Variants in AJAP1 observed in about 807,000 individuals in gnomAD.
The protein encoded by AJAP1 is adherens junctions associated protein 1, also known as adherens junction-associated protein 1.
In AJAP1, 5 loss-of-function variants were observed where a neutral mutation model predicts 35.0. That is an observed-to-expected ratio of 0.14 (90% CI 0.07 to 0.30). The LOEUF is 0.30. Ranked by LOEUF, AJAP1 falls within the 10% of genes least tolerant of loss-of-function variation. The pLI is 1.00. For missense variants in AJAP1, 586 were observed against 571.0 expected (o/e 1.03, Z -0.27); for synonymous variants, 284 against 249.3 (o/e 1.14, Z -1.31).
intron 2 of AJAP1, among the ~76,000 whole-genome samples, chr1:4,736,046 C>T (rs1049045580): frequency 3.3e-5 from 5 of 152,238 alleles, no homozygotes; most frequent in African/African-American, 9.6e-5. Flanking sequence ...TTACTTTCCT[C>T]ATTTGGAAAA....
intron 1 of AJAP1, among the ~76,000 whole-genome samples, chr1:4,676,185 G>T (rs992585811): frequency 6.6e-6 from 1 of 152,092 alleles, no homozygotes; most frequent in Non-Finnish European, 1.5e-5. Flanking sequence ...TTGCCTCCTC[G>T]TGTCATTTTT....
At chr1:4,700,359 C>G (rs1053950514) in intron 1 of AJAP1, among the ~76,000 whole-genome samples, 1 of 152,132 alleles carries the variant, frequency 6.6e-6, no homozygotes, top group Non-Finnish European at 1.5e-5. Flanking sequence ...TGCTGGGCCT[C>G]GCCCCCACAG....
At chr1:4,737,456 G>A (rs1418549410) in intron 2 of AJAP1, among the ~76,000 whole-genome samples, 1 of 151,806 alleles carries the variant, frequency 6.6e-6, no homozygotes, top group Admixed American at 6.6e-5. Flanking sequence ...GCAACAGGAC[G>A]CAGTGCAAGT....
chr1:4,780,134 A>C (rs1383581957), intron 5 of AJAP1, among the ~76,000 whole-genome samples: 3 of 10,478 alleles, frequency 2.9e-4, no homozygotes, highest in Non-Finnish European at 5.7e-4. Flanking sequence ...ACAGTCTCAA[A>C]AAAAAAAAAA....
intron 2 of AJAP1, among the ~76,000 whole-genome samples, chr1:4,721,275 C>A (rs1045640889): frequency 1.3e-5 from 2 of 152,176 alleles, no homozygotes; most frequent in African/African-American, 4.8e-5. Context: ...TAGGGGTGCT[C>A]TTTGGGGCTT....
At chr1:4,722,187 A>T (rs1640533296) in intron 2 of AJAP1, among the ~76,000 whole-genome samples, 1 of 152,128 alleles carries the variant, frequency 6.6e-6, no homozygotes, top group Admixed American at 6.5e-5. Context: ...ATGCGGGGGA[A>T]CTTCAGCGTG....
intron 5 of AJAP1, among the ~76,000 whole-genome samples, chr1:4,774,863 G>A (rs1171070834): frequency 6.6e-6 from 1 of 152,026 alleles, no homozygotes; most frequent in East Asian, 1.9e-4. Context: ...CCACATGCGT[G>A]GCCTACGTGG....
At chr1:4,758,964 G>T (rs1221366793) in intron 2 of AJAP1, among the ~76,000 whole-genome samples, 1 of 152,226 alleles carries the variant, frequency 6.6e-6, no homozygotes, top group Non-Finnish European at 1.5e-5. Flanking sequence ...GCAAACTCCA[G>T]AGTACTTCTG....
chr1:4,746,825 A>T (rs1259625117), intron 2 of AJAP1, among the ~76,000 whole-genome samples: 2 of 152,132 alleles, frequency 1.3e-5, no homozygotes, highest in African/African-American at 4.8e-5. Context: ...CAGCCTGGGA[A>T]ATTGCCTCCC....
intron 1 of AJAP1, among the ~76,000 whole-genome samples, chr1:4,694,255 A>C (rs1042968178): frequency 6.6e-6 from 1 of 152,178 alleles, no homozygotes. Context: ...TGTCGTCATA[A>C]TCCCAGCCCC....
intron 2 of AJAP1, among the ~76,000 whole-genome samples, chr1:4,767,288 A>G (rs1380997764): frequency 6.6e-6 from 1 of 151,468 alleles, no homozygotes; most frequent in Non-Finnish European, 1.5e-5. Flanking sequence ...CACCATCATT[A>G]TGATCATCAT....
rs267598631 is a variant in AJAP1, at chr1:4,772,303, G to T, written c.941G>T (p.Arg314Leu). The change falls in exon 4 of 6, where the codon CGT (arginine) becomes CTT (leucine). Residue 314 changes from arginine (R) to leucine (L), a missense_variant. Physicochemically the swap from Arg to Leu is moderately radical, Grantham distance 102. Transcript: ENST00000378191. ...AGCTGTGCCCAAAGCGGGAACACTC[G>T]TCGGAACAGCCACCAGCGGAAGACC... ...KNCCAQSGNTRRNSHQRKTNQ... is the reference protein window; with the variant it reads ...KNCCAQSGNTLRNSHQRKTNQ... 6.2e-7 allele frequency: 1 copy of T among 1,614,028 alleles called. No individual in the cohort carries two copies. The highest frequency in any genetic ancestry group is 8.5e-7 in the Non-Finnish European group (1 of 1,179,982).
chr1:4,782,844 C>T lies in AJAP1; in HGVS notation c.*359C>T. Reference sequence around the variant, plus strand: ...AGGGACGGGAGGAAGCATCCGAAACCTAGGATTCGTCCTACGATTCTGAAC... The same window carrying T: ...AGGGACGGGAGGAAGCATCCGAAACTTAGGATTCGTCCTACGATTCTGAAC... On this transcript the variant is annotated 3_prime_UTR_variant, in exon 6 of 6. Coordinates refer to ENST00000378191, the MANE Select transcript of AJAP1 (RefSeq NM_018836.4). This position sits in a 1 kb window ranked among gnomAD's most constrained non-coding sequence, Gnocchi z 5.3. 1 of 398,632 alleles carries T rather than the reference C, an allele frequency of 2.5e-6. No individual in the cohort carries two copies. Among genetic ancestry groups the T allele is most frequent in the Non-Finnish European group, 4.4e-6 (1 of 226,066 alleles). 24.7% of individuals were successfully genotyped at this position (398,632 alleles called of 1,614,324 possible).
In AJAP1 at chr1:4,720,651, A is replaced by G. The variant is rs1403563103; in HGVS notation, c.829+7952A>G. 6.6e-6 allele frequency among the ~76,000 whole-genome samples: 1 copy of G among 152,206 alleles called. No individual in the cohort carries two copies. The highest frequency in any genetic ancestry group is 1.5e-5 in the Non-Finnish European group (1 of 68,040). ...ATGTGGGAAACTGAGCGCCATAGTGAGCATGCAGCCCCTAGAGTTGAGTCA... is the reference window on the plus strand; with the variant it reads ...ATGTGGGAAACTGAGCGCCATAGTGGGCATGCAGCCCCTAGAGTTGAGTCA... On this transcript the variant is annotated intron_variant, in intron 2 of 5. Coordinates refer to ENST00000378191, the MANE Select transcript of AJAP1 (RefSeq NM_018836.4). This position sits in a 1 kb window ranked among gnomAD's most constrained non-coding sequence, Gnocchi z 4.4.
intron 3 of AJAP1, among the ~76,000 whole-genome samples, chr1:4,770,955 G>A (rs1168153327): frequency 4.6e-5 from 7 of 152,216 alleles, no homozygotes; most frequent in African/African-American, 1.7e-4. Flanking sequence ...GGAGCTCACA[G>A]TGGGGCTTCT....
chr1:4,781,519 G>T (rs971491542), intron 5 of AJAP1, among the ~76,000 whole-genome samples: 2 of 152,374 alleles, frequency 1.3e-5, no homozygotes, highest in South Asian at 2.1e-4. Flanking sequence ...CTCCCACTGG[G>T]TGTTTTTCCG....
chr1:4,668,557 C>G (rs1266736952), intron 1 of AJAP1, among the ~76,000 whole-genome samples: 2 of 152,206 alleles, frequency 1.3e-5, no homozygotes, highest in Non-Finnish European at 2.9e-5. Context: ...TAAACTGAGG[C>G]AGAGCAGGAG....
At chr1:4,751,180 T>A (rs2100332502) in intron 2 of AJAP1, among the ~76,000 whole-genome samples, 1 of 152,164 alleles carries the variant, frequency 6.6e-6, no homozygotes, top group Non-Finnish European at 1.5e-5. Flanking sequence ...CTCTGTTTTG[T>A]CTGGAGATGA....
At chr1:4,704,975 A>G (rs1557616872) in intron 1 of AJAP1, among the ~76,000 whole-genome samples, 3 of 152,186 alleles carry the variant, frequency 2.0e-5, no homozygotes, top group Non-Finnish European at 2.9e-5. Context: ...GTGTCTGTTC[A>G]TGTCCTTCAC....
Sources: allele counts gnomAD v4.1 joint callset (sites outside exome capture counted in the v4.1 genomes callset), GRCh38; gene constraint gnomAD v4.1.1; non-coding constraint Gnocchi (gnomAD v3.1); transcripts MANE v1.5; gene names NCBI Gene and HGNC (gene_info 2026-07-23, HGNC 2026-07-21).